SLC16A7: variants seen among roughly 807,000 people sequenced by gnomAD.
SLC16A7 encodes the protein monocarboxylate transporter 2.
A neutral mutation model predicts 34.9 loss-of-function variants in SLC16A7; 33 were observed. That is an observed-to-expected ratio of 0.94 (90% CI 0.72 to 1.26). The LOEUF is 1.26. Ranked by LOEUF, SLC16A7 falls within the 50% of genes most tolerant of loss-of-function variation. The pLI, the probability that SLC16A7 is intolerant of heterozygous loss-of-function variation, is 0.00. For missense variants in SLC16A7, 573 were observed against 578.1 expected (o/e 0.99, Z 0.09); for synonymous variants, 201 against 206.6 (o/e 0.97, Z 0.23).
intron 1 of SLC16A7, among the ~76,000 whole-genome samples, chr12:59,618,406 A>G (rs1879551736): frequency 6.6e-6 from 1 of 151,998 alleles, no homozygotes; most frequent in Admixed American, 6.6e-5. Flanking sequence ...CTGTGAAATT[A>G]CAAATAACGT....
intron 5 of SLC16A7, among the ~76,000 whole-genome samples, chr12:59,775,977 T>C (rs1882719142): frequency 6.6e-6 from 1 of 152,220 alleles, no homozygotes; most frequent in Admixed American, 6.6e-5. Context: ...TATTCATGTA[T>C]CTATTCCATA....
intron 2 of SLC16A7, chr12:59,665,069 CTT>C (rs1189181225): frequency 6.6e-6 from 1 of 151,956 alleles, no homozygotes; most frequent in African/African-American, 2.4e-5. Context: ...CAATGAGAAA[CTT>C]TATATATGCT....
intron 1 of SLC16A7, among the ~76,000 whole-genome samples, chr12:59,651,031 C>T (rs749471037): frequency 7.4e-4 from 112 of 152,276 alleles, no homozygotes; most frequent in Admixed American, 2.6e-3. Flanking sequence ...CTCAAAACCA[C>T]CCATGCTTCC....
At chr12:59,778,764 G>A (rs1321312730) in intron 5 of SLC16A7, among the ~76,000 whole-genome samples, 1 of 152,054 alleles carries the variant, frequency 6.6e-6, no homozygotes, top group African/African-American at 2.4e-5. Flanking sequence ...TTAAACAACA[G>A]GTTAGGTGAA....
At chr12:59,671,676 CTCTA>C (rs958617917) in intron 2 of SLC16A7, among the ~76,000 whole-genome samples, 21 of 138,482 alleles carry the variant, frequency 1.5e-4, no homozygotes, top group East Asian at 5.3e-4. Context: ...CTCTCTCTCT[CTCTA>C]TATATATATA....
At chr12:59,772,236 GAT>G (rs975570777) in intron 4 of SLC16A7, among the ~76,000 whole-genome samples, 40 of 152,080 alleles carry the variant, frequency 2.6e-4, no homozygotes, top group African/African-American at 9.4e-4. Context: ...CAGTAATAGT[GAT>G]GTTAAAATCT....
intron 1 of SLC16A7, among the ~76,000 whole-genome samples, chr12:59,599,978 A>C (rs1479465126): frequency 2.6e-5 from 4 of 152,318 alleles, no homozygotes; most frequent in East Asian, 3.9e-4. Context: ...AGGACAGGGC[A>C]GACGAGGGGC....
intron 5 of SLC16A7, among the ~76,000 whole-genome samples, chr12:59,776,030 T>C (rs560932451): frequency 6.6e-6 from 1 of 152,292 alleles, no homozygotes. Context: ...CACAGTTTTT[T>C]TGAGGGCCAC....
chr12:59,720,324 G>A (rs1875423445), intron 3 of SLC16A7: 2 of 493,714 alleles, frequency 4.1e-6, no homozygotes, highest in Admixed American at 4.0e-5. Context: ...AGTCTTGTGA[G>A]ACCATAATTA....
chr12:59,650,167 C>T (rs765024911), intron 1 of SLC16A7, among the ~76,000 whole-genome samples: 27 of 151,854 alleles, frequency 1.8e-4, no homozygotes, highest in Non-Finnish European at 3.7e-4. Flanking sequence ...CTTACCTGAG[C>T]ACTTAAATAA....
Position 59,601,171 on chromosome 12 carries a change from C to T in SLC16A7, c.-130+4935C>T, listed in dbSNP as rs189831140. Among the ~76,000 whole-genome samples, 58 of 152,232 alleles carry T rather than the reference C, an allele frequency of 3.8e-4. 2 individuals carry two copies. The highest frequency in any genetic ancestry group is 3.3e-3 in the Admixed American group (50 of 15,298). On this transcript the variant is annotated intron_variant, in intron 1 of 5. Transcript: ENST00000547379. ...TTTGTAGAAAGCATTTTATTATAAG[C>T]ATTTGCTGTTTCTCCACCTCATAAT... is the stretch of plus-strand genomic sequence containing the variant.
intron 1 of SLC16A7, among the ~76,000 whole-genome samples, chr12:59,625,487 T>C (rs1047464157): frequency 1.3e-5 from 2 of 151,814 alleles, no homozygotes; most frequent in African/African-American, 4.8e-5. Context: ...AATCTCAGAT[T>C]CAAATCTTCC....
chr12:59,671,684 A>C (rs1313532503), intron 2 of SLC16A7, among the ~76,000 whole-genome samples: 5 of 147,428 alleles, frequency 3.4e-5, no homozygotes, highest in South Asian at 2.1e-4. Context: ...CTCTCTATAT[A>C]TATATATGTG....
intron 3 of SLC16A7, among the ~76,000 whole-genome samples, chr12:59,707,134 G>A (rs1450322702): frequency 6.6e-6 from 1 of 152,104 alleles, no homozygotes; most frequent in African/African-American, 2.4e-5. Context: ...GACTATTTTA[G>A]GGGGTATGCC....
intron 3 of SLC16A7, among the ~76,000 whole-genome samples, chr12:59,743,130 A>ATCATGCTGTTTCACTGATAATTAG (rs1878522223): frequency 6.6e-6 from 1 of 152,244 alleles, no homozygotes; most frequent in East Asian, 1.9e-4. Context: ...CAAGGGACTC[A>ATCATGCTGTTTCACTGATAATTAG]TCATGCTGTT....
intron 2 of SLC16A7, among the ~76,000 whole-genome samples, chr12:59,689,699 T>G (rs1871423927): frequency 6.6e-6 from 1 of 151,980 alleles, no homozygotes; most frequent in Admixed American, 6.6e-5. Flanking sequence ...TTTCTTTAAC[T>G]CCTCTTCCGT....
chr12:59,724,071 AG>A (rs1203752407), intron 3 of SLC16A7, among the ~76,000 whole-genome samples: 1 of 152,062 alleles, frequency 6.6e-6, no homozygotes, highest in Non-Finnish European at 1.5e-5. Flanking sequence ...TTAATATTTT[AG>A]ATACCTCACC....
intron 2 of SLC16A7, among the ~76,000 whole-genome samples, chr12:59,665,683 C>T (rs1592452849): frequency 6.6e-6 from 1 of 151,928 alleles, no homozygotes; most frequent in East Asian, 1.9e-4. Flanking sequence ...TTTCATTGAG[C>T]TCTCAACATA....
intron 1 of SLC16A7, among the ~76,000 whole-genome samples, chr12:59,645,562 T>G (rs922941749): frequency 6.6e-6 from 1 of 152,158 alleles, no homozygotes; most frequent in Non-Finnish European, 1.5e-5. Flanking sequence ...CCCAGCCCTG[T>G]GCAATGGTGA....
Sources: allele counts gnomAD v4.1 joint callset (sites outside exome capture counted in the v4.1 genomes callset), GRCh38; gene constraint gnomAD v4.1.1; transcripts MANE v1.5; gene names NCBI Gene and HGNC (gene_info 2026-07-23, HGNC 2026-07-21).